The following TENM3 variants were observed in gnomAD, a reference collection of about 807,000 sequenced individuals.
The protein encoded by TENM3 is teneurin-3.
TENM3 carries 63 observed loss-of-function variants against 255.1 expected under a neutral mutation model. That is an observed-to-expected ratio of 0.25 (90% CI 0.20 to 0.30). The LOEUF is 0.30. Among genes scored for constraint, TENM3 ranks in the 10% least tolerant of loss-of-function variants. The pLI, the probability that TENM3 is intolerant of heterozygous loss-of-function variation, is 1.00. For synonymous variants in TENM3, 1,306 were observed against 1,322.3 expected (o/e 0.99, Z 0.27); for missense variants, 2,929 against 3,461.1 (o/e 0.85, Z 3.86).
In TENM3 at chr4:182,793,788, G is replaced by T; in HGVS notation, c.7116G>T (p.Trp2372Cys). 6.2e-7 allele frequency: 1 copy of T among 1,613,916 alleles called. No individual in the cohort carries two copies. Residue 2372 changes from tryptophan (W) to cysteine (C), a missense_variant, in exon 26 of 28, where the codon TGG becomes TGT. Transcript: ENST00000511685. The surrounding 1 kb of genome is among the most constrained non-coding windows in gnomAD (Gnocchi z 5.7). ...GRWTTPDIEI[W>C]KRIGKDPAPF... is the part of the protein sequence containing the mutation. ...GGACAACACCTGACATAGAAATCTG[G>T]AAAAGAATTGGGAAGGACCCAGCTC... is the stretch of plus-strand genomic sequence containing the variant.
intron 3 of TENM3, among the ~76,000 whole-genome samples, chr4:182,372,293 C>T (rs955561432): frequency 3.3e-5 from 5 of 152,092 alleles, no homozygotes; most frequent in African/African-American, 1.2e-4. Flanking sequence ...GTACTGTCAA[C>T]AGATTCATTA....
intron 6 of TENM3, among the ~76,000 whole-genome samples, chr4:182,654,911 G>A (rs1753626366): frequency 6.6e-6 from 1 of 151,936 alleles, no homozygotes; most frequent in South Asian, 2.1e-4. Flanking sequence ...CCTTAGGGAG[G>A]TTGAGGAATT....
chr4:182,379,472 A>G (rs1308141160), intron 3 of TENM3, among the ~76,000 whole-genome samples: 1 of 152,210 alleles, frequency 6.6e-6, no homozygotes, highest in Non-Finnish European at 1.5e-5. Flanking sequence ...TCCCACCCAT[A>G]GTGTGTTACT....
chr4:182,145,405 C>G (rs1321173728), intron 1 of TENM3, among the ~76,000 whole-genome samples: 1 of 152,098 alleles, frequency 6.6e-6, no homozygotes. Flanking sequence ...TCAAAAATTA[C>G]GAATTTATGA....
At position 182,775,183 on chromosome 4, in the gene TENM3, C is replaced by A. The variant is rs1219640171; in HGVS notation, c.5304+30C>A. 2.5e-6 allele frequency: 4 copies of A among 1,593,548 alleles called. No individual in the cohort carries two copies. The East Asian group carries it at 8.9e-5, about 36-fold the overall frequency. ...GTACGTGTTGTGGAGCAGGAGATAG[C>A]TGCAGCCCTCTGATCTGTGCAGATC... On this transcript the variant is annotated intron_variant, in intron 24 of 27. Transcript: ENST00000511685.
chr4:182,442,847 TACACACAC>T (rs10586825), intron 3 of TENM3, among the ~76,000 whole-genome samples: 51 of 147,866 alleles, frequency 3.4e-4, no homozygotes, highest in South Asian at 8.6e-4. Context: ...CATACATATA[TACACACAC>T]ACACACACAC....
chr4:181,467,002 A>T, the TENM3 span, among the ~76,000 whole-genome samples: 1 of 148,816 alleles, frequency 6.7e-6, no homozygotes, highest in East Asian at 2.0e-4. Context: ...TATTTTAGGT[A>T]AAAACTCAGA....
chr4:182,596,355 G>A (rs956722667), intron 3 of TENM3, among the ~76,000 whole-genome samples: 1 of 152,106 alleles, frequency 6.6e-6, no homozygotes, highest in African/African-American at 2.4e-5. Context: ...AAGGTGAATC[G>A]CATGTGAATC....
chr4:182,013,778 A>G, the TENM3 span, among the ~76,000 whole-genome samples: 1 of 152,010 alleles, frequency 6.6e-6, no homozygotes, highest in Non-Finnish European at 1.5e-5. Context: ...AATGAAGGAC[A>G]TAATCTTTCT....
chr4:181,543,624 C>A, the TENM3 span, among the ~76,000 whole-genome samples: 17 of 152,318 alleles, frequency 1.1e-4, no homozygotes, highest in East Asian at 3.3e-3. Context: ...TGCCAGCCAC[C>A]TGCTGGCCTA....
At chr4:181,868,050 T>G in the TENM3 span, among the ~76,000 whole-genome samples, 1 of 152,352 alleles carries the variant, frequency 6.6e-6, no homozygotes, top group Non-Finnish European at 1.5e-5. Flanking sequence ...GGTAATTCCC[T>G]ATATTTCTGG....
the TENM3 span, among the ~76,000 whole-genome samples, chr4:181,510,824 A>G: frequency 6.6e-6 from 1 of 152,166 alleles, no homozygotes; most frequent in Non-Finnish European, 1.5e-5. Context: ...TTCTCACTCT[A>G]GAGTAAAGTT....
At chr4:181,760,384 ATTC>A in the TENM3 span, among the ~76,000 whole-genome samples, 1 of 152,190 alleles carries the variant, frequency 6.6e-6, no homozygotes, top group Non-Finnish European at 1.5e-5. Context: ...ATTTCTAAAT[ATTC>A]CCCTAATTCC....
the TENM3 span, among the ~76,000 whole-genome samples, chr4:181,465,488 T>C: frequency 1.3e-5 from 2 of 152,198 alleles, no homozygotes; most frequent in Admixed American, 6.5e-5. Context: ...CCTTGAAAGA[T>C]AGTCAGAAAA....
the TENM3 span, among the ~76,000 whole-genome samples, chr4:182,132,078 C>T: frequency 2.6e-5 from 4 of 152,194 alleles, no homozygotes; most frequent in African/African-American, 7.2e-5. Flanking sequence ...GAGGGAACCA[C>T]CCTTCTGGAG....
At chr4:181,901,804 G>C in the TENM3 span, among the ~76,000 whole-genome samples, 1 of 152,046 alleles carries the variant, frequency 6.6e-6, no homozygotes, top group Admixed American at 6.6e-5. Flanking sequence ...AAAATACCGG[G>C]TATGTCAGAG....
chr4:182,024,814 C>T, the TENM3 span, among the ~76,000 whole-genome samples: 6 of 151,978 alleles, frequency 3.9e-5, no homozygotes, highest in African/African-American at 1.5e-4. Context: ...TTAACCATCC[C>T]CACCTCCCCC....
Position 182,799,437 on chromosome 4 carries a change from G to A in TENM3, c.7345-159G>A, listed in dbSNP as rs745725987. 1.3e-5 allele frequency among the ~76,000 whole-genome samples: 2 copies of A among 152,204 alleles called. No individual in the cohort carries two copies. The highest frequency in any genetic ancestry group is 2.9e-5 in the Non-Finnish European group (2 of 68,034). On this transcript the variant is annotated intron_variant, in intron 27 of 27. Transcript: ENST00000511685. The surrounding 1 kb of genome is among the most constrained non-coding windows in gnomAD (Gnocchi z 4.2). ...GATCACCTTGAGGGGGAGGGATCTC[G>A]AGTGCTCCCTCCACCCGGGCTGTCA...
chr4:182,543,126 GATGGATGC>G (rs1409975165), intron 3 of TENM3, among the ~76,000 whole-genome samples: 10 of 152,074 alleles, frequency 6.6e-5, no homozygotes, highest in South Asian at 2.1e-4. Flanking sequence ...GTAATGACTC[GATGGATGC>G]ATGGATGCAA....
Sources: gnomAD v4.1 joint callset for allele counts (sites outside exome capture counted in the v4.1 genomes callset) on GRCh38, gnomAD v4.1.1 for gene constraint, Gnocchi (gnomAD v3.1) non-coding constraint, MANE v1.5 for transcripts, NCBI Gene and HGNC (gene_info 2026-07-23, HGNC 2026-07-21) for gene names.